ANK2: variants seen among roughly 807,000 people sequenced by gnomAD.
ANK2 encodes the protein ankyrin 2.
Under a neutral mutation model 360.5 loss-of-function variants are expected in ANK2, and 83 were observed. The observed-to-expected ratio is 0.23, with a 90% CI of 0.19 to 0.28. The LOEUF (loss-of-function observed/expected upper bound fraction) is 0.28, where lower values mean the gene tolerates loss of function less well. Ranked by LOEUF, ANK2 falls within the 10% of genes least tolerant of loss-of-function variation. The pLI, the probability that ANK2 is intolerant of heterozygous loss-of-function variation, is 1.00. For missense variants in ANK2, 4,201 were observed against 4,795.7 expected (o/e 0.88, Z 3.66); for synonymous variants, 1,740 against 1,759.5 (o/e 0.99, Z 0.28).
chr4:112,712,476 C>T, the ANK2 span, among the ~76,000 whole-genome samples: 2 of 141,096 alleles, frequency 1.4e-5, no homozygotes, highest in Non-Finnish European at 3.0e-5. Flanking sequence ...GGCGTGATCT[C>T]GGTTCACTGC....
chr4:113,376,689 A>G (rs181056323), intron 45 of ANK2, among the ~76,000 whole-genome samples: 105 of 152,230 alleles, frequency 6.9e-4, no homozygotes, highest in African/African-American at 2.4e-3. Flanking sequence ...ACAAGTTAAG[A>G]TGCAAACACA....
chr4:113,335,551 G>A (rs1397916033), intron 29 of ANK2, among the ~76,000 whole-genome samples: 2 of 152,062 alleles, frequency 1.3e-5, no homozygotes, highest in Non-Finnish European at 2.9e-5. Flanking sequence ...CATTTCAAAG[G>A]TGGCCCTGCA....
At position 113,265,013 on chromosome 4, in the gene ANK2, G is replaced by T; in HGVS notation, c.1485+18G>T. 6.4e-7 allele frequency: 1 copy of T among 1,552,912 alleles called. No individual in the cohort carries two copies. The highest frequency in any genetic ancestry group is 1.2e-5 in the South Asian group (1 of 84,196). ...GAGCCAGGGTAGGTACTGGTGCCCT[G>T]AGGTTCTCTTCTATCGCAGCGCATG... On this transcript the variant is annotated intron_variant, in intron 14 of 45. Transcript: ENST00000357077.
intron 4 of ANK2, among the ~76,000 whole-genome samples, chr4:113,205,999 A>G (rs922936973): frequency 3.9e-5 from 6 of 152,178 alleles, no homozygotes; most frequent in Admixed American, 2.0e-4. Context: ...AGTGGGATCT[A>G]TAGTCACAGA....
At chr4:112,835,113 G>A (rs1335846291) in intron 1 of ANK2, among the ~76,000 whole-genome samples, 5 of 152,190 alleles carry the variant, frequency 3.3e-5, no homozygotes, top group Admixed American at 6.5e-5. Flanking sequence ...GGTGGTGTCA[G>A]CCTCATCTAC....
intron 1 of ANK2, among the ~76,000 whole-genome samples, chr4:113,089,868 A>G (rs1459940914): frequency 6.6e-6 from 1 of 152,106 alleles, no homozygotes; most frequent in East Asian, 1.9e-4. Context: ...AAAAAAATAT[A>G]TGAAACAACC....
chr4:113,303,242 G>T (rs1274212162), intron 23 of ANK2, among the ~76,000 whole-genome samples: 1 of 152,126 alleles, frequency 6.6e-6, no homozygotes, highest in Non-Finnish European at 1.5e-5. Context: ...CTCCATCAAT[G>T]AGTGTTCTTC....
intron 4 of ANK2, among the ~76,000 whole-genome samples, chr4:113,207,934 A>G (rs1414104507): frequency 6.6e-6 from 1 of 152,176 alleles, no homozygotes; most frequent in Non-Finnish European, 1.5e-5. Context: ...ATCAGCGGTC[A>G]GGGGATGAAG....
chr4:113,350,324 T>C, intron 37 of ANK2, 75 bp downstream of exon 37: 1 of 1,267,340 alleles, frequency 7.9e-7, no homozygotes, highest in Non-Finnish European at 1.1e-6. Flanking sequence ...AAATGCAAGC[T>C]AGTTGCTATT....
chr4:113,371,603 A>G (rs948261456), intron 43 of ANK2, among the ~76,000 whole-genome samples: 3 of 152,214 alleles, frequency 2.0e-5, no homozygotes, highest in African/African-American at 7.2e-5. Flanking sequence ...CTTGATGAGT[A>G]TCAGGCATTT....
chr4:112,964,878 A>G lies in ANK2; in HGVS notation c.21+60364A>G, dbSNP rs140405455. 3.6e-3 allele frequency among the ~76,000 whole-genome samples: 543 copies of G among 152,064 alleles called. 15 individuals are homozygous for G. The highest frequency in any genetic ancestry group is 0.033 in the Admixed American group (501 of 15,280). On this transcript the variant is annotated intron_variant, in intron 2 of 30. Transcript: ENST00000503271. ...GCCACCGCGCCCGGCCATGTACCAC[A>G]TTTTCTTTGTCCATTAATCTGTTGA...
At chr4:113,039,055 G>T (rs2062260178) in intron 2 of ANK2, among the ~76,000 whole-genome samples, 2 of 152,040 alleles carry the variant, frequency 1.3e-5, no homozygotes, top group African/African-American at 2.4e-5. Flanking sequence ...TAATTAGAAT[G>T]CCACCATTCC....
At chr4:112,839,403 G>T (rs2061640937) in intron 1 of ANK2, among the ~76,000 whole-genome samples, 2 of 152,020 alleles carry the variant, frequency 1.3e-5, no homozygotes, top group South Asian at 4.2e-4. Flanking sequence ...ACATATTTTA[G>T]TGACAGCCTG....
intron 2 of ANK2, among the ~76,000 whole-genome samples, chr4:112,906,402 G>T (rs184524751): frequency 6.6e-6 from 1 of 152,306 alleles, no homozygotes; most frequent in African/African-American, 2.4e-5. Flanking sequence ...TGAAAATTTT[G>T]TCAGGAAATA....
In ANK2 at chr4:113,255,862, C is replaced by T. The variant is rs772102642; in HGVS notation, c.1118C>T (p.Ala373Val). 37 of 1,614,084 alleles carry T rather than the reference C, an allele frequency of 2.3e-5. No homozygotes were observed. Among genetic ancestry groups the T allele is most frequent in the Admixed American group, 1.3e-4 (8 of 60,014 alleles). The change falls in exon 11 of 46, where the codon GCG becomes GTG. Residue 373 changes from alanine to valine, a missense_variant. By Grantham distance (64) the Ala-to-Val change is moderately conservative. Coordinates refer to ENST00000357077, the MANE Select transcript of ANK2 (RefSeq NM_001148.6). ...TACCTGACAGCCCTCCACGTTGCTGCGCACTGTGGCCACTACCGTGTAACC... is the reference window on the plus strand; with the variant it reads ...TACCTGACAGCCCTCCACGTTGCTGTGCACTGTGGCCACTACCGTGTAACC... ...LDYLTALHVA[A>V]HCGHYRVTKL...
Position 113,187,260 on chromosome 4 carries a change from C to T in ANK2, c.187-9108C>T, listed in dbSNP as rs189286135. On this transcript the variant is annotated intron_variant, in intron 2 of 45. Transcript: ENST00000357077. ...ATTTCCTTTGAGGAATAAAGGAAGA[C>T]AGCAACAGTGCCTATGGGAGTTAGA... Among the ~76,000 whole-genome samples the T allele has an allele frequency of 6.6e-5, 10 of 152,248 alleles. No individual in the cohort carries two copies. The East Asian group carries it at 1.9e-3, about 29-fold the overall frequency.
In ANK2 at chr4:113,355,892, C is replaced by A; in HGVS notation, c.7274C>A (p.Ala2425Asp). ...SRDSEVLSAV[A>D]DDSLAVSHKD... ...GATAGCGAAGTCCTCAGCGCTGTGG[C>A]TGATGACTCATTAGCAGTGAGCCAC... is the stretch of plus-strand genomic sequence containing the variant. Residue 2425 changes from alanine to aspartate, a missense_variant, in exon 38 of 46, where the codon GCT (alanine) becomes GAT (aspartate). Physicochemically the swap from Ala to Asp is moderately radical, Grantham distance 126. Coordinates refer to ENST00000357077, the MANE Select transcript of ANK2 (RefSeq NM_001148.6). 1.2e-6 allele frequency: 2 copies of A among 1,614,110 alleles called. No homozygotes were observed. Among genetic ancestry groups the A allele is most frequent in the South Asian group, 2.2e-5 (2 of 91,080 alleles).
intron 26 of ANK2, among the ~76,000 whole-genome samples, chr4:113,329,493 A>G (rs1226748257): frequency 1.3e-5 from 2 of 152,210 alleles, no homozygotes; most frequent in Admixed American, 6.5e-5. Context: ...GAGAAAAATC[A>G]TGATACAGAT....
intron 1 of ANK2, chr4:113,145,938 G>A: frequency 1.6e-6 from 2 of 1,289,822 alleles, no homozygotes; most frequent in African/African-American, 1.5e-5. Flanking sequence ...AAACATGCAG[G>A]AACTGGATAA....
Sources: allele counts gnomAD v4.1 joint callset (sites outside exome capture counted in the v4.1 genomes callset), GRCh38; gene constraint gnomAD v4.1.1; transcripts MANE v1.5; gene names NCBI Gene and HGNC (gene_info 2026-07-23, HGNC 2026-07-21).